KIF13A: variants seen among roughly 807,000 people sequenced by gnomAD.
KIF13A encodes kinesin-like protein KIF13A.
Under a neutral mutation model 212.2 loss-of-function variants are expected in KIF13A, and 79 were observed. The ratio of observed to expected loss-of-function variants is 0.37; its 90% CI spans 0.31 to 0.45. The LOEUF is 0.45. Ranked by LOEUF, KIF13A falls within the 20% of genes least tolerant of loss-of-function variation. KIF13A has a pLI of 1.00. For synonymous variants in KIF13A, 789 were observed against 808.6 expected, an observed-to-expected ratio of 0.98 and a Z score of 0.41; for missense variants, 1,901 against 2,209.0, an observed-to-expected ratio of 0.86 and a Z score of 2.79.
intron 2 of KIF13A, among the ~76,000 whole-genome samples, chr6:17,940,279 G>A (rs1776847543): frequency 6.6e-6 from 1 of 152,078 alleles, no homozygotes; most frequent in Admixed American, 6.6e-5. Context: ...GATGCTTCAG[G>A]AACACTATTA....
In KIF13A at chr6:17,947,229, A is replaced by G. The variant is rs1489856261; in HGVS notation, c.146+39825T>C. Among the ~76,000 whole-genome samples the G allele has an allele frequency of 1.3e-5, 2 of 152,194 alleles. No homozygotes were observed. The highest frequency in any genetic ancestry group is 2.4e-5 in the African/African-American group (1 of 41,452). On this transcript the variant is annotated intron_variant, in intron 2 of 38. Coordinates refer to ENST00000259711, the MANE Select transcript of KIF13A (RefSeq NM_022113.6). This position sits in a 1 kb window ranked among gnomAD's most constrained non-coding sequence, Gnocchi z 4.6. ...AGGAGTGGAAATGGGAATAAGTGAT[A>G]TAAGAGACAAAAAAGTACAAGTTGG... is the stretch of plus-strand genomic sequence containing the variant.
In KIF13A at chr6:17,789,382, TGTAAA is replaced by T. The variant is rs1561974296; in HGVS notation, c.3261+485_3261+489del. Among the ~76,000 whole-genome samples, 2 of 152,194 alleles carry T rather than the reference TGTAAA, an allele frequency of 1.3e-5. No homozygotes were observed. The highest frequency in any genetic ancestry group is 4.8e-5 in the African/African-American group (2 of 41,452). On this transcript the variant is annotated intron_variant, in intron 26 of 38. Coordinates refer to ENST00000259711, the MANE Select transcript of KIF13A (RefSeq NM_022113.6). The surrounding 1 kb of genome is among the most constrained non-coding windows in gnomAD (Gnocchi z 4.8). ...CAATTTTCCTATTCAGCAAAAGTCT[TGTAAA>T]GTAAAATGGCATATTACAACAATAT...
chr6:17,853,940 TGACTAA>T (rs1767906746), intron 6 of KIF13A, among the ~76,000 whole-genome samples: 1 of 152,190 alleles, frequency 6.6e-6, no homozygotes. Flanking sequence ...AGAGTACTTT[TGACTAA>T]GTCATGTTCC....
intron 3 of KIF13A, chr6:17,881,400 A>G (rs979540815): frequency 2.4e-6 from 1 of 408,606 alleles, no homozygotes; most frequent in Admixed American, 3.2e-5. Context: ...CTTTTACTTA[A>G]AAGTCATCTC....
chr6:17,973,458 C>G lies in KIF13A; in HGVS notation c.146+13596G>C, dbSNP rs181347391. Among the ~76,000 whole-genome samples, 91 of 152,308 alleles carry G rather than the reference C, an allele frequency of 6.0e-4. 1 individual carries two copies. In the South Asian group the frequency reaches 0.016, roughly 27 times the overall value. The stretch of plus-strand genomic sequence containing the variant: ...ATCAGCTACTGCGTGCAAACCAAAC[C>G]TCCCAAGAATGGTGACCCTGTCCTC... On this transcript the variant is annotated intron_variant, in intron 2 of 38. Coordinates refer to ENST00000259711, the MANE Select transcript of KIF13A (RefSeq NM_022113.6).
chr6:17,787,823 C>T lies in KIF13A; in HGVS notation c.3314G>A (p.Arg1105Gln). The change falls in exon 27 of 39, where the codon CGA (arginine) becomes CAA (glutamine). Residue 1105 changes from arginine to glutamine, a missense_variant. By Grantham distance (43) the Arg-to-Gln change is conservative. Transcript: ENST00000259711. This position sits in a 1 kb window ranked among gnomAD's most constrained non-coding sequence, Gnocchi z 4.6. ...RERWSDALIK[R>Q]REYLDEQIKK... Reference sequence around the variant, plus strand: ...TATCTGTTCATCCAGGTATTCTCGTCGTTTAATGAGTGCATCTGACCACCT... The same window carrying T: ...TATCTGTTCATCCAGGTATTCTCGTTGTTTAATGAGTGCATCTGACCACCT... 6.2e-7 allele frequency: 1 copy of T among 1,613,516 alleles called. No individual in the cohort carries two copies. Among genetic ancestry groups the T allele is most frequent in the Non-Finnish European group, 8.5e-7 (1 of 1,179,486 alleles).
rs1421858121 is a variant in KIF13A at position 17,828,187 on chromosome 6, C to T, written c.1532+53G>A. On this transcript the variant is annotated intron_variant, in intron 14 of 38. Coordinates refer to ENST00000259711, the MANE Select transcript of KIF13A (RefSeq NM_022113.6). This position sits in a 1 kb window ranked among gnomAD's most constrained non-coding sequence, Gnocchi z 4.3. ...GCAAACAGAAAGAGGCAGCCTTCTC[C>T]TTCTGAAAATAAGGCACACAAGACA... 6.4e-7 allele frequency: 1 copy of T among 1,558,990 alleles called. No homozygotes were observed. The highest frequency in any genetic ancestry group is 1.4e-5 in the African/African-American group (1 of 73,472).
chr6:17,874,288 T>TTTTTTG (rs67726866), intron 3 of KIF13A, among the ~76,000 whole-genome samples: 1 of 59,042 alleles, frequency 1.7e-5, no homozygotes, highest in East Asian at 4.5e-4. Flanking sequence ...TTTTTGTTTT[T>TTTTTTG]TGGTGGTGGT....
intron 2 of KIF13A, among the ~76,000 whole-genome samples, chr6:17,940,037 G>C (rs1231728311): frequency 3.1e-5 from 3 of 97,924 alleles, no homozygotes; most frequent in Admixed American, 1.2e-4. Flanking sequence ...GCGAGACTCC[G>C]TCTCATAAAT....
Position 17,895,808 on chromosome 6 carries a change from G to A in KIF13A, c.159+2360C>T, listed in dbSNP as rs1193927774. On this transcript the variant is annotated intron_variant, in intron 3 of 38. Coordinates refer to ENST00000259711, the MANE Select transcript of KIF13A (RefSeq NM_022113.6). This position sits in a 1 kb window ranked among gnomAD's most constrained non-coding sequence, Gnocchi z 4.4. ...CTCACTAACTTGGCTTATCTCCAGTGCCTTCAAGCACAAGTTTTTAATATT... is the reference window on the plus strand; with the variant it reads ...CTCACTAACTTGGCTTATCTCCAGTACCTTCAAGCACAAGTTTTTAATATT... 6.6e-6 allele frequency among the ~76,000 whole-genome samples: 1 copy of A among 152,164 alleles called. No homozygotes were observed. Among genetic ancestry groups the A allele is most frequent in the African/African-American group, 2.4e-5 (1 of 41,442 alleles).
In KIF13A at chr6:17,804,488, C is replaced by T. The variant is rs1232479730; in HGVS notation, c.2327G>A (p.Arg776Gln). ...TTGGGCTTCATAGAAAGGGTCACCT[C>T]GTTTTCCGTAGAGTCTCTTTGCCTG... is the stretch of plus-strand genomic sequence containing the variant. ...VPEAKRLYGK[R>Q]GDPFYEAQEN... The change falls in exon 20 of 39, where the codon CGA becomes CAA. Residue 776 changes from arginine to glutamine, a missense_variant. Physicochemically the swap from Arg to Gln is conservative, Grantham distance 43 (BLOSUM62 1). Transcript: ENST00000259711. 1.3e-6 allele frequency: 2 copies of T among 1,598,862 alleles called. No homozygotes were observed. The highest frequency in any genetic ancestry group is 1.3e-5 in the African/African-American group (1 of 74,548).
chr6:17,852,080 CAA>C, intron 6 of KIF13A, 38 bp from the exon 7 acceptor site: 3 of 1,121,964 alleles, frequency 2.7e-6, no homozygotes, highest in Non-Finnish European at 3.6e-6. Flanking sequence ...TGAATCACAC[CAA>C]AGCTGGAAGC....
In KIF13A at chr6:17,764,346, T is replaced by C. The variant is rs766863284; in HGVS notation, c.5182A>G (p.Asn1728Asp). ...PREVTVEHTT[N>D]ILEDHSFTEF... is the part of the protein sequence containing the mutation. ...GTGAAAGAATGGTCTTCAAGGATGT[T>C]GGTGGTGTGTTCTACCGTCACCTCC... is the stretch of plus-strand genomic sequence containing the variant. Residue 1728 changes from asparagine (N) to aspartate (D), a missense_variant, in exon 39 of 39, where the codon AAC becomes GAC. Asn to Asp is a conservative substitution (Grantham distance 23, BLOSUM62 1). This residue lies in a region of KIF13A where 687 missense variants were observed against 759.1 expected (regional missense o/e 0.90). Transcript: ENST00000259711. The surrounding 1 kb of genome is among the most constrained non-coding windows in gnomAD (Gnocchi z 5.1). 18 of 1,613,962 alleles carry C rather than the reference T, an allele frequency of 1.1e-5. No individual in the cohort carries two copies. The Admixed American group carries it at 1.3e-4, about 12-fold the overall frequency.
chr6:17,777,534 C>G lies in KIF13A; in HGVS notation c.4093-180G>C, dbSNP rs1383428612. Among the ~76,000 whole-genome samples the G allele has an allele frequency of 1.3e-5, 2 of 152,040 alleles. No individual in the cohort carries two copies. The highest frequency in any genetic ancestry group is 2.9e-5 in the Non-Finnish European group (2 of 68,012). ...TAGCTGGGACTACAGGTGCACGCCA[C>G]CACACTCGGCTAATTTTTTTTTGTA... is the stretch of plus-strand genomic sequence containing the variant. On this transcript the variant is annotated intron_variant, in intron 33 of 38. Transcript: ENST00000259711. This position sits in a 1 kb window ranked among gnomAD's most constrained non-coding sequence, Gnocchi z 4.4.
rs760206863 is a variant in KIF13A, at chr6:17,898,222, A to G, written c.147-42T>C. ...AAAAAATTCAGCAGCAGGGATACAG[A>G]GGGTTGTCAACACAGCAGCCACATC... On this transcript the variant is annotated intron_variant, in intron 2 of 38. Coordinates refer to ENST00000259711, the MANE Select transcript of KIF13A (RefSeq NM_022113.6). This position sits in a 1 kb window ranked among gnomAD's most constrained non-coding sequence, Gnocchi z 5.2. 1 of 1,605,736 alleles carries G rather than the reference A, an allele frequency of 6.2e-7. No individual in the cohort carries two copies. Among genetic ancestry groups the G allele is most frequent in the Non-Finnish European group, 8.5e-7 (1 of 1,173,518 alleles).
At chr6:17,970,973 T>C (rs1260777101) in intron 2 of KIF13A, among the ~76,000 whole-genome samples, 1 of 152,216 alleles carries the variant, frequency 6.6e-6, no homozygotes, top group Non-Finnish European at 1.5e-5. Flanking sequence ...TACAACACTT[T>C]TACAAATTTC....
rs547814431 is a variant in KIF13A at position 17,892,117 on chromosome 6, C to T, written c.159+6051G>A. Among the ~76,000 whole-genome samples the T allele has an allele frequency of 4.9e-4, 75 of 152,264 alleles. No individual in the cohort carries two copies. The highest frequency in any genetic ancestry group is 3.4e-3 in the Middle Eastern group (1 of 294). ...ACTTCCAACTCAGCCCACTCTAGAA[C>T]GTAATCAACTTCCCACTGAACCAAA... is the stretch of plus-strand genomic sequence containing the variant. On this transcript the variant is annotated intron_variant, in intron 3 of 38. Transcript: ENST00000259711. The surrounding 1 kb of genome is among the most constrained non-coding windows in gnomAD (Gnocchi z 4.7).
At chr6:17,781,135 G>A in intron 30 of KIF13A, 42 bp downstream of exon 30, 1 of 1,611,260 alleles carries the variant, frequency 6.2e-7, no homozygotes. Context: ...AGCCTTGTGT[G>A]CTAATCTGAA....
intron 25 of KIF13A, among the ~76,000 whole-genome samples, chr6:17,793,412 GAGTACTGAAT>G (rs1163221318): frequency 6.6e-6 from 1 of 151,940 alleles, no homozygotes; most frequent in Non-Finnish European, 1.5e-5. Flanking sequence ...TCTTTTCATG[GAGTACTGAAT>G]AGTTCTGACT....
Sources: allele counts gnomAD v4.1 joint callset (sites outside exome capture counted in the v4.1 genomes callset), GRCh38; gene constraint gnomAD v4.1.1; regional missense constraint gnomAD v4.1.1; non-coding constraint Gnocchi (gnomAD v3.1); transcripts MANE v1.5; gene names NCBI Gene and HGNC (gene_info 2026-07-23, HGNC 2026-07-21).